Variants in RTCA observed in about 807,000 individuals in gnomAD.
RTCA encodes RNA 3'-terminal phosphate cyclase, also known as RNA terminal phosphate cyclase domain 1.
RTCA carries 37 observed loss-of-function variants against 46.1 expected under a neutral mutation model. The ratio of observed to expected loss-of-function variants is 0.80; its 90% confidence interval spans 0.62 to 1.06. The LOEUF (loss-of-function observed/expected upper bound fraction) is 1.06. Among genes scored for constraint, RTCA ranks in the 50% least tolerant of loss-of-function variants. The pLI is 0.00. For missense variants in RTCA, 435 were observed against 455.5 expected (o/e 0.95, Z 0.41); for synonymous variants, 164 against 158.3 (o/e 1.04, Z -0.27).
intron 10 of RTCA, among the ~76,000 whole-genome samples, chr1:100,287,624 T>A (rs72730117): frequency 0.03 from 4,623 of 152,206 alleles, 98 homozygotes; most frequent in Non-Finnish European, 0.049. Flanking sequence ...TATAAAAAAA[T>A]TTATATAAAA....
chr1:100,266,261 T>C lies in RTCA; in HGVS notation c.-115T>C. The C allele has an allele frequency of 1.6e-6, 1 of 614,650 alleles. No individual in the cohort carries two copies. The highest frequency in any genetic ancestry group is 2.5e-6 in the Non-Finnish European group (1 of 398,178). 38.1% of individuals were successfully genotyped at this position (614,650 alleles called of 1,614,324 possible). On this transcript the variant is annotated 5_prime_UTR_variant, in exon 1 of 11. Transcript: ENST00000370128. ...TTCTTCCGCTTTCTCGTCAGGCTCC[T>C]GCGCCCCAGGCATGAACCAAGGTTT...
intron 6 of RTCA, 94 bp downstream of exon 6, chr1:100,275,059 A>G: frequency 7.9e-7 from 1 of 1,267,414 alleles, no homozygotes; most frequent in Non-Finnish European, 1.1e-6. Flanking sequence ...AGAACTTAAC[A>G]TTTTTTTAAG....
intron 8 of RTCA, among the ~76,000 whole-genome samples, chr1:100,278,284 A>G (rs1666510649): frequency 6.6e-6 from 1 of 152,204 alleles, no homozygotes; most frequent in African/African-American, 2.4e-5. Context: ...TACATTGGTG[A>G]TTTCAGAATT....
chr1:100,285,102 A>C (rs905464317), intron 8 of RTCA, 126 bp from the exon 9 acceptor site: 2 of 654,186 alleles, frequency 3.1e-6, no homozygotes, highest in Non-Finnish European at 5.5e-6. Context: ...AGGTGCATTG[A>C]GTGGGTTTTT....
At position 100,273,973 on chromosome 1, in the gene RTCA, C is replaced by T. The variant is rs79650351; in HGVS notation, c.473+521C>T. On this transcript the variant is annotated intron_variant, in intron 5 of 10. Coordinates refer to ENST00000370128, the MANE Select transcript of RTCA (RefSeq NM_003729.4). The stretch of plus-strand genomic sequence containing the variant: ...TTCTTCGTCCCTCTCCTCCTTTCAA[C>T]GTGTTATGTATTCTAACAATATGTT... Among the ~76,000 whole-genome samples, 1,515 of 152,288 alleles carry T rather than the reference C, an allele frequency of 9.9e-3. 21 individuals are homozygous for T. The highest frequency in any genetic ancestry group is 0.032 in the South Asian group (154 of 4,820).
rs769859803 is a variant in RTCA at position 100,274,826 on chromosome 1, GA to G, written c.477del (p.Tyr160IlefsTer9). The G allele has an allele frequency of 6.2e-7, 1 of 1,609,876 alleles. No individual in the cohort carries two copies. The highest frequency in any genetic ancestry group is 8.5e-7 in the Non-Finnish European group (1 of 1,177,200). ...GGCATTTGTTATACTTTTCATAGGG[GA>G]TATTACCCAAAAGGGGGTGGTGAAG... ...FIFNCDIKTR[G>X]YYPKGGGEVI... On this transcript the variant is annotated frameshift_variant, in exon 6 of 11. Transcript: ENST00000370128. LOFTEE classifies it high-confidence loss of function.
At chr1:100,285,087 C>T (rs1373815623) in intron 8 of RTCA, 141 bp from the exon 9 acceptor site, 25 of 606,290 alleles carry the variant, frequency 4.1e-5, no homozygotes, top group Middle Eastern at 3.6e-4. Context: ...AGATCTTATT[C>T]TAAAAGGTGC....
intron 10 of RTCA, among the ~76,000 whole-genome samples, chr1:100,287,419 A>G (rs749312351): frequency 5.3e-5 from 8 of 152,216 alleles, no homozygotes; most frequent in Non-Finnish European, 1.2e-4. Context: ...AAATATGAGT[A>G]AAGTGAGGCA....
At chr1:100,276,830 G>T (rs1011506359) in intron 7 of RTCA, among the ~76,000 whole-genome samples, 6 of 152,278 alleles carry the variant, frequency 3.9e-5, no homozygotes, top group African/African-American at 1.2e-4. Flanking sequence ...TCCATTAAAA[G>T]GTTTAAAGTA....
At chr1:100,266,784 G>T in intron 2 of RTCA, 160 bp downstream of exon 2, 1 of 616,912 alleles carries the variant, frequency 1.6e-6, no homozygotes, top group Non-Finnish European at 2.9e-6. Context: ...CGGTGGCCTG[G>T]GTTGTAAAGT....
At chr1:100,290,532 A>G (rs1485547965) in intron 10 of RTCA, among the ~76,000 whole-genome samples, 27 of 152,212 alleles carry the variant, frequency 1.8e-4, no homozygotes, top group Non-Finnish European at 3.1e-4. Flanking sequence ...GCGCTTTAGG[A>G]AGCTGACGCA....
chr1:100,289,473 A>G (rs537655954), intron 10 of RTCA, among the ~76,000 whole-genome samples: 67 of 152,262 alleles, frequency 4.4e-4, no homozygotes, highest in African/African-American at 1.5e-3. Context: ...TTTAATTGTT[A>G]TTAAGAAACA....
rs375108570 is a variant in RTCA at position 100,287,166 on chromosome 1, C to T, written c.962C>T (p.Thr321Met). The change falls in exon 10 of 11, where the codon ACG (threonine) becomes ATG (methionine). Residue 321 changes from threonine to methionine, a missense_variant. Coordinates refer to ENST00000370128, the MANE Select transcript of RTCA (RefSeq NM_003729.4). ...RIKTGPVTLH[T>M]QTAIHFAEQI... The stretch of plus-strand genomic sequence containing the variant: ...AAAACAGGACCAGTTACACTCCATA[C>T]GCAAACCGCGATACATTTTGCTGAA... 40 of 1,590,214 alleles carry T rather than the reference C, an allele frequency of 2.5e-5. No individual in the cohort carries two copies. The highest frequency in any genetic ancestry group is 1.6e-4 in the African/African-American group (12 of 73,336).
At chr1:100,281,401 C>T in intron 8 of RTCA, 1 of 462,742 alleles carries the variant, frequency 2.2e-6, no homozygotes, top group Non-Finnish European at 4.3e-6. Flanking sequence ...TGACTCTGGG[C>T]TTTCCTTATC....
chr1:100,285,590 A>C (rs1477047445), intron 9 of RTCA, among the ~76,000 whole-genome samples: 2 of 150,984 alleles, frequency 1.3e-5, no homozygotes, highest in East Asian at 1.9e-4. Context: ...TTCCTATCTC[A>C]CTGGCCATAC....
chr1:100,273,458 T>C lies in RTCA; in HGVS notation c.473+6T>C, dbSNP rs1283996337. On this transcript the variant is annotated splice_donor_region_variant and intron_variant, in intron 5 of 10. Coordinates refer to ENST00000370128, the MANE Select transcript of RTCA (RefSeq NM_003729.4). ...AATTGTGACATTAAAACAAGGTAAG[T>C]TGCTTGTTTCTTAAATGTTAGGATC... 6.4e-7 allele frequency: 1 copy of C among 1,558,336 alleles called. No individual in the cohort carries two copies. The highest frequency in any genetic ancestry group is 1.8e-5 in the Admixed American group (1 of 54,622).
intron 1 of RTCA, 33 bp downstream of exon 1, chr1:100,266,453 C>G (rs948872684): frequency 6.2e-7 from 1 of 1,608,232 alleles, no homozygotes; most frequent in Middle Eastern, 1.7e-4. Flanking sequence ...GGGGCTGCAG[C>G]CTAACTAAGG....
chr1:100,283,935 G>GAAAAAAAAAAAAAAAAAAAAAA (rs763030720), intron 8 of RTCA, among the ~76,000 whole-genome samples: 2 of 55,082 alleles, frequency 3.6e-5, no homozygotes, highest in African/African-American at 7.9e-5. Context: ...AAAAAAAAAA[G>GAAAAAAAAAAAAAAAAAAAAAA]AAAAAAAAAA....
chr1:100,283,968 AAGAAAAAC>A (rs1666886997), intron 8 of RTCA, among the ~76,000 whole-genome samples: 1 of 133,310 alleles, frequency 7.5e-6, no homozygotes, highest in African/African-American at 2.6e-5. Flanking sequence ...AAGAAAAAAC[AAGAAAAAC>A]AAAGAAAAAT....
Sources: gnomAD v4.1 joint callset for allele counts (sites outside exome capture counted in the v4.1 genomes callset) on GRCh38, gnomAD v4.1.1 for gene constraint, MANE v1.5 for transcripts, NCBI Gene and HGNC (gene_info 2026-07-23, HGNC 2026-07-21) for gene names.